Variants in NPAS3 observed in about 807,000 individuals in gnomAD.
NPAS3 encodes neuronal PAS domain protein 3.
In NPAS3, 14 loss-of-function variants were observed where a neutral mutation model predicts 73.1. That is an observed-to-expected ratio of 0.19 (90% CI 0.13 to 0.30). The LOEUF is 0.30. Among genes scored for constraint, NPAS3 ranks in the 10% least tolerant of loss-of-function variants. The pLI is 1.00. For synonymous variants in NPAS3, 620 were observed against 541.5 expected (o/e 1.14, Z -2.01); for missense variants, 1,096 against 1,250.0 (o/e 0.88, Z 1.86).
chr14:33,045,031 A>G (rs867852221), intron 1 of NPAS3, among the ~76,000 whole-genome samples: 31 of 152,094 alleles, frequency 2.0e-4, no homozygotes, highest in African/African-American at 7.2e-4. Flanking sequence ...TTACTTTGAC[A>G]CAGCTTGAGG....
intron 5 of NPAS3, among the ~76,000 whole-genome samples, chr14:33,572,107 T>C (rs1255375294): frequency 6.6e-6 from 1 of 152,134 alleles, no homozygotes; most frequent in Non-Finnish European, 1.5e-5. Context: ...AAACCTTTCA[T>C]AGGGTGGCTG....
intron 4 of NPAS3, among the ~76,000 whole-genome samples, chr14:33,387,035 A>G (rs1258067282): frequency 6.6e-6 from 1 of 152,106 alleles, no homozygotes; most frequent in African/African-American, 2.4e-5. Context: ...CCTTGATCCT[A>G]ATGTTGAGGC....
intron 4 of NPAS3, among the ~76,000 whole-genome samples, chr14:33,429,289 C>T (rs2048684289): frequency 6.6e-6 from 1 of 152,106 alleles, no homozygotes; most frequent in Admixed American, 6.6e-5. Flanking sequence ...TAGCTGGTTA[C>T]GGGTTGAGTC....
chr14:33,683,255 G>T (rs1167700937), intron 6 of NPAS3, among the ~76,000 whole-genome samples: 1 of 151,880 alleles, frequency 6.6e-6, no homozygotes, highest in Non-Finnish European at 1.5e-5. Context: ...TCTATTGAAG[G>T]TTTAGGAAGT....
At chr14:33,210,063 C>A (rs1473905627) in intron 2 of NPAS3, among the ~76,000 whole-genome samples, 4 of 152,126 alleles carry the variant, frequency 2.6e-5, no homozygotes, top group Non-Finnish European at 4.4e-5. Context: ...TATTTTTAAT[C>A]CTTGTTATCC....
At chr14:33,668,592 G>C (rs902257966) in intron 5 of NPAS3, among the ~76,000 whole-genome samples, 1 of 152,170 alleles carries the variant, frequency 6.6e-6, no homozygotes, top group Non-Finnish European at 1.5e-5. Flanking sequence ...GAGGCAGGCC[G>C]ATCACTTGAG....
intron 6 of NPAS3, among the ~76,000 whole-genome samples, chr14:33,693,480 G>A (rs2060289925): frequency 1.3e-5 from 2 of 152,166 alleles, no homozygotes. Flanking sequence ...TCCCGTCAAT[G>A]TGGTAAATTC....
At chr14:32,946,650 C>T (rs140068072) in intron 1 of NPAS3, among the ~76,000 whole-genome samples, 86 of 152,106 alleles carry the variant, frequency 5.7e-4, no homozygotes, top group Non-Finnish European at 9.6e-4. Context: ...ATAGAAATTT[C>T]GGGCTTAAAA....
At chr14:33,751,694 T>C (rs2061968081) in intron 7 of NPAS3, among the ~76,000 whole-genome samples, 1 of 152,202 alleles carries the variant, frequency 6.6e-6, no homozygotes, top group Admixed American at 6.5e-5. Context: ...AGATGATAAT[T>C]ATCTCTCATT....
chr14:33,544,793 T>TATATATATATATATATAC lies in NPAS3; in HGVS notation c.469-15311_469-15310insCATATATATATATATATA, dbSNP rs892093239. Among the ~76,000 whole-genome samples the TATATATATATATATATAC allele has an allele frequency of 6.5e-5, 7 of 107,880 alleles. 1 individual carries two copies. The highest frequency in any genetic ancestry group is 3.4e-4 in the African/African-American group (7 of 20,706). The allele number at this position is 107,880 out of a possible 152,430, so 70.8% of individuals were successfully genotyped here. A position where few individuals can be genotyped will look rare whatever the true frequency, so the allele number is the denominator to read the frequency against. On this transcript the variant is annotated intron_variant, in intron 4 of 11. Transcript: ENST00000356141. ...TATGTGTTTATGTGTGTGTATTATA[T>TATATATATATATATATAC]ATATATATATATATATATGTATATA... is the stretch of plus-strand genomic sequence containing the variant.
intron 4 of NPAS3, among the ~76,000 whole-genome samples, chr14:33,399,079 T>C (rs1278169725): frequency 6.6e-6 from 1 of 152,118 alleles, no homozygotes; most frequent in Non-Finnish European, 1.5e-5. Context: ...AGGTTGGTTA[T>C]GAACCCAAAG....
intron 4 of NPAS3, among the ~76,000 whole-genome samples, chr14:33,496,807 T>C (rs2052219464): frequency 6.6e-6 from 1 of 152,154 alleles, no homozygotes; most frequent in Non-Finnish European, 1.5e-5. Context: ...GGATGCCCTC[T>C]CTCACCACTC....
chr14:33,478,632 C>T (rs1012633449), intron 4 of NPAS3, among the ~76,000 whole-genome samples: 1 of 152,102 alleles, frequency 6.6e-6, no homozygotes, highest in Non-Finnish European at 1.5e-5. Context: ...GGATCACTAC[C>T]AGGCCTGATG....
chr14:33,422,762 A>C (rs10130156), intron 4 of NPAS3, among the ~76,000 whole-genome samples: 88,058 of 151,796 alleles, frequency 0.58, 27,309 homozygotes, highest in African/African-American at 0.8. Flanking sequence ...AATTATAGAT[A>C]TGTTGAACTC....
chr14:33,789,780 A>G (rs969371486), intron 9 of NPAS3, among the ~76,000 whole-genome samples: 50 of 150,532 alleles, frequency 3.3e-4, no homozygotes, highest in African/African-American at 4.4e-4. Context: ...TAGTAGAGAC[A>G]GGGTTTCACC....
intron 3 of NPAS3, among the ~76,000 whole-genome samples, chr14:33,351,298 G>T (rs939151523): frequency 1.3e-4 from 20 of 152,142 alleles, no homozygotes; most frequent in African/African-American, 4.8e-4. Flanking sequence ...AGATGGGGTC[G>T]ACGACAAACA....
intron 2 of NPAS3, among the ~76,000 whole-genome samples, chr14:33,163,623 GTTTTTT>G: frequency 9.0e-6 from 1 of 110,610 alleles, no homozygotes; most frequent in African/African-American, 3.1e-5. Context: ...GTGTTTTGTT[GTTTTTT>G]TTTTTTTTTT....
chr14:33,395,198 GTTA>G (rs1401632242), intron 4 of NPAS3, among the ~76,000 whole-genome samples: 2 of 152,090 alleles, frequency 1.3e-5, no homozygotes, highest in Admixed American at 6.6e-5. Flanking sequence ...CATATGAAGA[GTTA>G]TTATCATTGT....
At chr14:33,085,672 T>C (rs572938548) in intron 2 of NPAS3, among the ~76,000 whole-genome samples, 2 of 152,326 alleles carry the variant, frequency 1.3e-5, no homozygotes, top group East Asian at 1.9e-4. Flanking sequence ...ATTAAAGTAC[T>C]AAGCATGCCG....
Sources: gnomAD v4.1 joint callset for allele counts (sites outside exome capture counted in the v4.1 genomes callset) on GRCh38, gnomAD v4.1.1 for gene constraint, MANE v1.5 for transcripts, NCBI Gene and HGNC (gene_info 2026-07-23, HGNC 2026-07-21) for gene names.